The following PMPCB variants were observed in gnomAD, a reference collection of about 807,000 sequenced individuals.
The protein encoded by PMPCB is mitochondrial-processing peptidase subunit beta.
In PMPCB, 46 loss-of-function variants were observed where a neutral mutation model predicts 61.5. The observed-to-expected ratio is 0.75, with a 90% CI of 0.59 to 0.96. The LOEUF is 0.96. Among genes scored for constraint, PMPCB ranks in the 40% least tolerant of loss-of-function variants. The probability of loss-of-function intolerance (pLI) is 0.00; values close to 1 mark genes in which losing one functional copy is unlikely to be tolerated. For synonymous variants in PMPCB, 191 were observed against 201.6 expected (o/e 0.95, Z 0.44); for missense variants, 590 against 602.4 (o/e 0.98, Z 0.22).
the PMPCB span, among the ~76,000 whole-genome samples, chr7:103,341,109 A>T: frequency 4.6e-5 from 7 of 152,122 alleles, no homozygotes; most frequent in Non-Finnish European, 8.8e-5. Context: ...TCTTCCTCAA[A>T]ACCCAGCCAC....
rs775551433 is a variant in PMPCB, at chr7:103,312,582, C to T, written c.*311C>T. 1.1e-5 allele frequency: 17 copies of T among 1,612,690 alleles called. No individual in the cohort carries two copies. The highest frequency in any genetic ancestry group is 2.7e-5 in the African/African-American group (2 of 74,894). On this transcript the variant is annotated 3_prime_UTR_variant, in exon 13 of 13. Transcript: ENST00000249269. ...CAACAAAGATTGTCATTTCTTGGCT[C>T]TACTTGCATTCAGCACTTGTTCTTG...
At chr7:103,332,375 A>AT (rs1463518540), downstream of PMPCB, among the ~76,000 whole-genome samples, 2 of 152,050 alleles carry the variant, frequency 1.3e-5, no homozygotes, top group African/African-American at 4.8e-5. Flanking sequence ...TGTTTGTAGG[A>AT]TTTTTTGGGC....
At chr7:103,317,647 T>C (rs1818144811), downstream of PMPCB, among the ~76,000 whole-genome samples, 1 of 152,156 alleles carries the variant, frequency 6.6e-6, no homozygotes, top group Admixed American at 6.5e-5. Flanking sequence ...GTGCAGGTTC[T>C]TTTTCTTTCT....
intron 12 of PMPCB, chr7:103,321,941 G>A: frequency 1.2e-6 from 2 of 1,613,340 alleles, no homozygotes; most frequent in African/African-American, 1.3e-5. Flanking sequence ...CCTTGCATGA[G>A]TTTCGAAGTT....
the PMPCB span, among the ~76,000 whole-genome samples, chr7:103,340,764 C>T: frequency 2.0e-5 from 3 of 152,218 alleles, no homozygotes; most frequent in Admixed American, 6.5e-5. Flanking sequence ...TTCAATTCCT[C>T]ACAGCAACCA....
chr7:103,337,577 G>A, the PMPCB span: 2 of 579,792 alleles, frequency 3.4e-6, no homozygotes, highest in Non-Finnish European at 6.1e-6. Context: ...GATTCTGAAG[G>A]CAGGGGAGAC....
Position 103,311,896 on chromosome 7 carries a change from T to C in PMPCB, c.1329T>C (p.Asp443=), listed in dbSNP as rs1197006768. ...TCCCTGAGCTTGAAGCAAGAATTGATGTAAGTAGTCCTGAGTTACTATTGG... is the reference window on the plus strand; with the variant it reads ...TCCCTGAGCTTGAAGCAAGAATTGACGTAAGTAGTCCTGAGTTACTATTGG... ...IPIPELEARI[D]AVNAETIREV... Residue 443 remains aspartate, a splice_region_variant and synonymous_variant, in exon 11 of 13, where the codon GAT becomes GAC. Transcript: ENST00000249269. The C allele has an allele frequency of 2.5e-6, 4 of 1,598,606 alleles. No individual in the cohort carries two copies. Among genetic ancestry groups the C allele is most frequent in the African/African-American group, 1.3e-5 (1 of 74,684 alleles).
chr7:103,344,461 C>G, the PMPCB span: 1 of 1,415,858 alleles, frequency 7.1e-7, no homozygotes, highest in Non-Finnish European at 1.0e-6. Flanking sequence ...GGGCTAGTCG[C>G]CAGGGTCAAG....
intron 1 of PMPCB, 63 bp downstream of exon 1, chr7:103,297,621 G>A (rs1817321181): frequency 6.2e-7 from 1 of 1,600,650 alleles, no homozygotes; most frequent in Admixed American, 1.7e-5. Flanking sequence ...CAGCGCACCT[G>A]AGAGTCGGCG....
chr7:103,332,839 G>C (rs966354672), downstream of PMPCB, among the ~76,000 whole-genome samples: 3 of 152,172 alleles, frequency 2.0e-5, no homozygotes, highest in Non-Finnish European at 2.9e-5. Context: ...GCCCAGGCTA[G>C]TCTTGAACTA....
chr7:103,345,336 C>G, the PMPCB span, among the ~76,000 whole-genome samples: 10 of 152,154 alleles, frequency 6.6e-5, 1 homozygote, highest in Middle Eastern at 6.8e-3. Context: ...TCAAGATATT[C>G]CCAATTATAG....
At chr7:103,326,490 T>A in intron 12 of PMPCB, 1 of 1,579,888 alleles carries the variant, frequency 6.3e-7, no homozygotes, top group South Asian at 1.1e-5. Context: ...CCTGGAAGAC[T>A]ACAATAAACA....
intron 8 of PMPCB, 110 bp from the exon 9 acceptor site, chr7:103,310,205 C>A: frequency 1.3e-6 from 1 of 775,946 alleles, no homozygotes; most frequent in Non-Finnish European, 2.1e-6. Flanking sequence ...TTGAATAAAA[C>A]TAGGAAACAG....
chr7:103,304,572 T>C (rs771614478), intron 6 of PMPCB, 82 bp downstream of exon 6: 68 of 892,394 alleles, frequency 7.6e-5, no homozygotes, highest in Admixed American at 1.3e-4. Flanking sequence ...TGTTGGGAGA[T>C]ACCCTAAGAA....
At position 103,309,115 on chromosome 7, in the gene PMPCB, A is replaced by G; in HGVS notation, c.993+20A>G. Reference sequence around the variant, plus strand: ...GGAATGGTAAGTGATTTTAAAAGAAATTTTCCATAACAGATGGAAGATTAT... The same window carrying G: ...GGAATGGTAAGTGATTTTAAAAGAAGTTTTCCATAACAGATGGAAGATTAT... On this transcript the variant is annotated intron_variant, in intron 8 of 12. Transcript: ENST00000249269. 1 of 1,572,514 alleles carries G rather than the reference A, an allele frequency of 6.4e-7. No homozygotes were observed. The highest frequency in any genetic ancestry group is 8.6e-7 in the Non-Finnish European group (1 of 1,160,494).
At chr7:103,340,610 T>A in the PMPCB span, among the ~76,000 whole-genome samples, 1 of 152,178 alleles carries the variant, frequency 6.6e-6, no homozygotes, top group Admixed American at 6.5e-5. Context: ...ATCTGGGAAC[T>A]TTCCCAAGGT....
the PMPCB span, chr7:103,344,517 G>C: frequency 6.2e-7 from 1 of 1,609,058 alleles, no homozygotes; most frequent in Middle Eastern, 1.7e-4. Flanking sequence ...TGAGGCAGGG[G>C]CAGCTGAGGT....
chr7:103,299,900 C>T (rs2115618392), intron 3 of PMPCB, among the ~76,000 whole-genome samples: 1 of 151,956 alleles, frequency 6.6e-6, no homozygotes, highest in East Asian at 1.9e-4. Flanking sequence ...TCTGGAGTAG[C>T]TGGGAGTATC....
the PMPCB span, chr7:103,337,436 T>C: frequency 5.6e-5 from 14 of 251,368 alleles, no homozygotes; most frequent in Non-Finnish European, 9.8e-5. Context: ...GCTATACTTC[T>C]AAAGAGAGGT....
Sources: allele counts gnomAD v4.1 joint callset (sites outside exome capture counted in the v4.1 genomes callset), GRCh38; gene constraint gnomAD v4.1.1; transcripts MANE v1.5; gene names NCBI Gene and HGNC (gene_info 2026-07-23, HGNC 2026-07-21).